Variants in CDH12 observed in about 807,000 individuals in gnomAD.
The protein encoded by CDH12 is cadherin 12.
Under a neutral mutation model 74.1 loss-of-function variants are expected in CDH12, and 41 were observed. That is an observed-to-expected ratio of 0.55 (90% CI 0.43 to 0.72). The LOEUF is 0.72. Ranked by LOEUF, CDH12 falls within the 30% of genes least tolerant of loss-of-function variation. CDH12 has a pLI of 0.00. For missense variants in CDH12, 945 were observed against 977.2 expected (o/e 0.97, Z 0.44); for synonymous variants, 399 against 355.0 (o/e 1.12, Z -1.39).
chr5:22,270,033 T>C (rs1736314730), intron 3 of CDH12, among the ~76,000 whole-genome samples: 2 of 152,172 alleles, frequency 1.3e-5, no homozygotes, highest in South Asian at 4.1e-4. Flanking sequence ...TCATGCTATG[T>C]CATCAGACTC....
At chr5:22,445,475 T>C (rs1744783148) in intron 2 of CDH12, among the ~76,000 whole-genome samples, 1 of 152,162 alleles carries the variant, frequency 6.6e-6, no homozygotes, top group Admixed American at 6.6e-5. Context: ...TCACAAGGAT[T>C]ATGCCAGCCG....
intron 4 of CDH12, among the ~76,000 whole-genome samples, chr5:22,092,498 C>T (rs1018002372): frequency 6.6e-6 from 1 of 151,940 alleles, no homozygotes; most frequent in Non-Finnish European, 1.5e-5. Context: ...GGACAATATG[C>T]CCATGAAAGG....
intron 4 of CDH12, among the ~76,000 whole-genome samples, chr5:22,155,026 A>T (rs1747934712): frequency 6.6e-6 from 1 of 151,764 alleles, no homozygotes; most frequent in Non-Finnish European, 1.5e-5. Context: ...GCTGGGAGTG[A>T]CCTCACCTCC....
At chr5:22,501,561 G>C (rs182041029) in intron 2 of CDH12, among the ~76,000 whole-genome samples, 55 of 151,610 alleles carry the variant, frequency 3.6e-4, no homozygotes, top group Non-Finnish European at 6.9e-4. Flanking sequence ...CCAATGACAA[G>C]TCCATTGTGA....
At chr5:22,370,658 A>G (rs1741248622) in intron 3 of CDH12, among the ~76,000 whole-genome samples, 1 of 152,170 alleles carries the variant, frequency 6.6e-6, no homozygotes, top group Non-Finnish European at 1.5e-5. Flanking sequence ...ATGCCTAGAC[A>G]TGTGTTAGTC....
At chr5:22,208,520 CT>C (rs940253449) in intron 4 of CDH12, among the ~76,000 whole-genome samples, 2 of 152,210 alleles carry the variant, frequency 1.3e-5, no homozygotes, top group Non-Finnish European at 1.5e-5. Flanking sequence ...ACAGACTGTC[CT>C]TTTTACGTTT....
Position 22,383,618 on chromosome 5 carries a change from A to G in CDH12, c.-333+21639T>C, listed in dbSNP as rs1012625804. ...TTTGGGAGTTCCTTTCTTACTGGGC[A>G]TTGCTGGTCTCATATATTGTGCTTA... On this transcript the variant is annotated intron_variant, in intron 3 of 14. Coordinates refer to ENST00000382254, the MANE Select transcript of CDH12 (RefSeq NM_004061.5). Among the ~76,000 whole-genome samples, 2 of 152,190 alleles carry G rather than the reference A, an allele frequency of 1.3e-5. 1 individual carries two copies. Among genetic ancestry groups the G allele is most frequent in the South Asian group, 4.1e-4 (2 of 4,826 alleles).
At chr5:22,687,646 C>T (rs1741881813) in intron 1 of CDH12, among the ~76,000 whole-genome samples, 1 of 152,134 alleles carries the variant, frequency 6.6e-6, no homozygotes, top group African/African-American at 2.4e-5. Context: ...AGCTCCTGAG[C>T]TCAAGTGACC....
At chr5:22,109,058 G>T (rs1181695069) in intron 4 of CDH12, among the ~76,000 whole-genome samples, 1 of 151,782 alleles carries the variant, frequency 6.6e-6, no homozygotes, top group African/African-American at 2.4e-5. Context: ...ATCATTAAAG[G>T]GTGTGAAAAA....
chr5:22,404,113 T>C (rs1742841421), intron 3 of CDH12, among the ~76,000 whole-genome samples: 2 of 152,196 alleles, frequency 1.3e-5, no homozygotes, highest in South Asian at 2.1e-4. Context: ...GTATGTAATA[T>C]GCAATCTGTG....
At chr5:22,053,673 CTGAGA>C (rs1046908136) in intron 5 of CDH12, among the ~76,000 whole-genome samples, 3 of 152,022 alleles carry the variant, frequency 2.0e-5, no homozygotes, top group African/African-American at 7.2e-5. Flanking sequence ...CTAGGGGGTG[CTGAGA>C]TAATTAAGAA....
intron 1 of CDH12, among the ~76,000 whole-genome samples, chr5:22,737,583 T>A (rs1744805280): frequency 6.6e-6 from 1 of 151,880 alleles, no homozygotes; most frequent in African/African-American, 2.4e-5. Flanking sequence ...ACAAAAAATA[T>A]AATATAAATG....
intron 6 of CDH12, among the ~76,000 whole-genome samples, chr5:21,934,105 T>A (rs1475584601): frequency 2.6e-5 from 4 of 152,068 alleles, no homozygotes; most frequent in Admixed American, 1.3e-4. Flanking sequence ...CATATTGAGT[T>A]ACACACACCC....
At chr5:22,016,484 C>T (rs535374084) in intron 5 of CDH12, among the ~76,000 whole-genome samples, 1 of 152,118 alleles carries the variant, frequency 6.6e-6, no homozygotes, top group Non-Finnish European at 1.5e-5. Context: ...CAACCTCCGC[C>T]TCCTGGGTTC....
intron 1 of CDH12, among the ~76,000 whole-genome samples, chr5:22,730,698 A>C (rs1186198508): frequency 6.6e-6 from 1 of 151,790 alleles, no homozygotes. Flanking sequence ...CTCAAGTTTT[A>C]ACAATTGGTG....
At chr5:22,006,286 T>C (rs375521020) in intron 5 of CDH12, among the ~76,000 whole-genome samples, 4 of 152,240 alleles carry the variant, frequency 2.6e-5, no homozygotes. Flanking sequence ...CTCAAAGTGC[T>C]GGGATTACAG....
Position 22,749,181 on chromosome 5 carries a change from G to A in CDH12, c.-523+103877C>T, listed in dbSNP as rs117182680. ...TGTAACGTGCAAGCAGAAGTTGAAA[G>A]TATGATCAGCAGCAACAGCATGAGC... is the stretch of plus-strand genomic sequence containing the variant. On this transcript the variant is annotated intron_variant, in intron 1 of 14. Coordinates refer to ENST00000382254, the MANE Select transcript of CDH12 (RefSeq NM_004061.5). Among the ~76,000 whole-genome samples the A allele has an allele frequency of 1.0e-3, 152 of 152,336 alleles. No individual in the cohort carries two copies. In the East Asian group the frequency reaches 0.026, roughly 26 times the overall value.
In CDH12 at chr5:22,752,747, A is replaced by AT. The variant is rs1184223872; in HGVS notation, c.-523+100310dup. On this transcript the variant is annotated intron_variant, in intron 1 of 14. Coordinates refer to ENST00000382254, the MANE Select transcript of CDH12 (RefSeq NM_004061.5). ...CCACTACGCCCGGCTAATTTTTTGTATTTTTTTACTAGAGACGGGGTTTCA... is the reference window on the plus strand; with the variant it reads ...CCACTACGCCCGGCTAATTTTTTGTATTTTTTTTACTAGAGACGGGGTTTCA... 1.9e-4 allele frequency among the ~76,000 whole-genome samples: 28 copies of AT among 146,156 alleles called. No homozygotes were observed. The East Asian group carries it at 2.9e-3, about 15-fold the overall frequency.
intron 4 of CDH12, among the ~76,000 whole-genome samples, chr5:22,176,552 C>G (rs1749348088): frequency 6.6e-6 from 1 of 152,086 alleles, no homozygotes; most frequent in South Asian, 2.1e-4. Flanking sequence ...CCTTCCTTAT[C>G]TATTCCAATA....
Sources: allele counts gnomAD v4.1 joint callset (sites outside exome capture counted in the v4.1 genomes callset), GRCh38; gene constraint gnomAD v4.1.1; transcripts MANE v1.5; gene names NCBI Gene and HGNC (gene_info 2026-07-23, HGNC 2026-07-21).